The following PPARGC1A variants were observed in gnomAD, a reference collection of about 807,000 sequenced individuals.
PPARGC1A encodes the protein PPARG coactivator 1 alpha, also known as peroxisome proliferator-activated receptor gamma coactivator 1-alpha.
In PPARGC1A, 25 loss-of-function variants were observed where a neutral mutation model predicts 88.7. That is an observed-to-expected ratio of 0.28 (90% CI 0.21 to 0.39). The LOEUF (loss-of-function observed/expected upper bound fraction) is 0.39. Among genes scored for constraint, PPARGC1A ranks in the 10% least tolerant of loss-of-function variants. The pLI, the probability that PPARGC1A is intolerant of heterozygous loss-of-function variation, is 1.00. For synonymous variants in PPARGC1A, 363 were observed against 355.6 expected (o/e 1.02, Z -0.24); for missense variants, 880 against 968.7 (o/e 0.91, Z 1.22).
the PPARGC1A span, among the ~76,000 whole-genome samples, chr4:24,466,459 C>T: frequency 1.3e-5 from 2 of 152,162 alleles, no homozygotes; most frequent in Admixed American, 6.5e-5. Context: ...CCCTGACTAG[C>T]GCTGAGACCT....
chr4:24,392,802 C>A, the PPARGC1A span, among the ~76,000 whole-genome samples: 1 of 152,218 alleles, frequency 6.6e-6, no homozygotes, highest in African/African-American at 2.4e-5. Context: ...CCTCAGCGCG[C>A]ACAGGCTGAG....
chr4:24,144,270 G>A, the PPARGC1A span, among the ~76,000 whole-genome samples: 1 of 152,160 alleles, frequency 6.6e-6, no homozygotes, highest in Non-Finnish European at 1.5e-5. Context: ...TGTCCAAGAT[G>A]CCTGCCACTA....
At position 23,820,810 on chromosome 4, in the gene PPARGC1A, T is replaced by C. The variant is rs80016421; in HGVS notation, c.877+3470A>G. Among the ~76,000 whole-genome samples, 438 of 152,224 alleles carry C rather than the reference T, an allele frequency of 2.9e-3. 14 individuals are homozygous for C. In the East Asian group the frequency reaches 0.054, roughly 19 times the overall value. ...GCATTATTCTGGAGGTCTTAGAATT[T>C]TGTTGACTCCTTACATTTCCACTTA... is the stretch of plus-strand genomic sequence containing the variant. On this transcript the variant is annotated intron_variant, in intron 7 of 12. Coordinates refer to ENST00000264867, the MANE Select transcript of PPARGC1A (RefSeq NM_013261.5).
intron 2 of PPARGC1A, among the ~76,000 whole-genome samples, chr4:23,840,484 C>G (rs1726868137): frequency 6.6e-6 from 1 of 152,086 alleles, no homozygotes; most frequent in Non-Finnish European, 1.5e-5. Context: ...ACATGGATTG[C>G]CCCTTTGTCC....
At chr4:24,057,665 C>T in the PPARGC1A span, among the ~76,000 whole-genome samples, 1 of 152,164 alleles carries the variant, frequency 6.6e-6, no homozygotes, top group Admixed American at 6.5e-5. Context: ...GTGTACATCC[C>T]TCTTCCTCAG....
the PPARGC1A span, among the ~76,000 whole-genome samples, chr4:24,096,100 A>C: frequency 6.6e-6 from 1 of 152,132 alleles, no homozygotes; most frequent in Non-Finnish European, 1.5e-5. Flanking sequence ...TGCTGTTCTC[A>C]GGTTAGTGGG....
intron 8 of PPARGC1A, 107 bp downstream of exon 8, chr4:23,813,583 G>C (rs1313691256): frequency 9.7e-7 from 1 of 1,028,142 alleles, no homozygotes; most frequent in South Asian, 1.8e-5. Context: ...AATTGCAGTG[G>C]TCAGGGGCCA....
At chr4:24,425,691 G>A in the PPARGC1A span, among the ~76,000 whole-genome samples, 2 of 152,162 alleles carry the variant, frequency 1.3e-5, no homozygotes, top group African/African-American at 2.4e-5. Context: ...CTGTCCAACA[G>A]TAAAAGCTGT....
At chr4:24,173,967 C>T in the PPARGC1A span, among the ~76,000 whole-genome samples, 1 of 152,154 alleles carries the variant, frequency 6.6e-6, no homozygotes, top group Admixed American at 6.6e-5. Flanking sequence ...AATTCTTTGA[C>T]ATTTGTTTTA....
At chr4:24,051,491 A>G in the PPARGC1A span, among the ~76,000 whole-genome samples, 3 of 152,218 alleles carry the variant, frequency 2.0e-5, no homozygotes, top group African/African-American at 7.2e-5. Flanking sequence ...CAGTAGCCCT[A>G]TGAGTTAAGT....
the PPARGC1A span, among the ~76,000 whole-genome samples, chr4:24,046,535 T>A: frequency 6.6e-6 from 1 of 152,144 alleles, no homozygotes; most frequent in African/African-American, 2.4e-5. Flanking sequence ...TTTTTTGCAA[T>A]GCAAACTCGA....
At chr4:24,387,826 G>GGAAGAA in the PPARGC1A span, among the ~76,000 whole-genome samples, 1 of 53,066 alleles carries the variant, frequency 1.9e-5, no homozygotes, top group Non-Finnish European at 4.3e-5. Flanking sequence ...GAAAGAAAGA[G>GGAAGAA]AGAAAGAGAG....
chr4:24,467,920 G>C, the PPARGC1A span, among the ~76,000 whole-genome samples: 1 of 152,166 alleles, frequency 6.6e-6, no homozygotes, highest in Non-Finnish European at 1.5e-5. Flanking sequence ...TTAAAAAGCA[G>C]GGTCAAGCCT....
At chr4:24,074,746 A>T in the PPARGC1A span, among the ~76,000 whole-genome samples, 1 of 151,996 alleles carries the variant, frequency 6.6e-6, no homozygotes, top group African/African-American at 2.4e-5. Flanking sequence ...ATGTGGTGGG[A>T]TGCAATATTT....
chr4:23,801,008 T>C (rs1317848770), intron 12 of PPARGC1A, among the ~76,000 whole-genome samples: 5 of 151,404 alleles, frequency 3.3e-5, no homozygotes, highest in African/African-American at 1.2e-4. Flanking sequence ...TGTGATTTAG[T>C]ATATGAAATT....
chr4:24,178,983 A>AT, the PPARGC1A span, among the ~76,000 whole-genome samples: 2 of 152,040 alleles, frequency 1.3e-5, no homozygotes, highest in East Asian at 1.9e-4. Flanking sequence ...GCTTATCTTC[A>AT]TTTTTTTGTT....
At chr4:23,836,822 G>A (rs1577452103) in intron 2 of PPARGC1A, among the ~76,000 whole-genome samples, 1 of 152,246 alleles carries the variant, frequency 6.6e-6, no homozygotes, top group East Asian at 1.9e-4. Context: ...ACATGGTGTG[G>A]CAGACAGTGC....
chr4:23,835,427 A>G (rs1725829647), intron 2 of PPARGC1A, among the ~76,000 whole-genome samples: 1 of 151,056 alleles, frequency 6.6e-6, no homozygotes, highest in Non-Finnish European at 1.5e-5. Context: ...AAACACAATG[A>G]GAGGGAGGAT....
At chr4:24,030,891 T>C in the PPARGC1A span, among the ~76,000 whole-genome samples, 1 of 152,108 alleles carries the variant, frequency 6.6e-6, no homozygotes, top group African/African-American at 2.4e-5. Context: ...CAACAAACAG[T>C]TGTTTGTGCC....
Sources: allele counts gnomAD v4.1 joint callset (sites outside exome capture counted in the v4.1 genomes callset), GRCh38; gene constraint gnomAD v4.1.1; transcripts MANE v1.5; gene names NCBI Gene and HGNC (gene_info 2026-07-23, HGNC 2026-07-21).